OPCML: variants seen among roughly 807,000 people sequenced by gnomAD.
The protein encoded by OPCML is opioid binding protein/cell adhesion molecule like.
A neutral mutation model predicts 37.8 loss-of-function variants in OPCML; 13 were observed. That is an observed-to-expected ratio of 0.34 (90% CI 0.22 to 0.55). The LOEUF (loss-of-function observed/expected upper bound fraction) is 0.55. OPCML is among the 20% of genes least tolerant of loss of function. The pLI is 0.91. For missense variants in OPCML, 341 were observed against 435.6 expected (o/e 0.78, Z 1.93); for synonymous variants, 176 against 168.8 (o/e 1.04, Z -0.33).
intron 1 of OPCML, chr11:133,009,363 A>G (rs1408717989): frequency 2.9e-6 from 1 of 349,244 alleles, no homozygotes; most frequent in Non-Finnish European, 4.0e-6. Context: ...CAAATATAAC[A>G]ACAAGTTAAT....
chr11:133,473,865 C>G (rs1162553075), intron 1 of OPCML, among the ~76,000 whole-genome samples: 4 of 152,180 alleles, frequency 2.6e-5, no homozygotes, highest in Non-Finnish European at 4.4e-5. Context: ...ATGTTGTACA[C>G]ACTTACAAAG....
chr11:132,795,222 C>A (rs895764813), intron 2 of OPCML, among the ~76,000 whole-genome samples: 2 of 152,110 alleles, frequency 1.3e-5, no homozygotes, highest in African/African-American at 4.8e-5. Flanking sequence ...TTTTTCTTAT[C>A]TTTTAAATAT....
intron 1 of OPCML, among the ~76,000 whole-genome samples, chr11:133,278,101 C>CT (rs1296666850): frequency 3.3e-5 from 5 of 152,172 alleles, no homozygotes; most frequent in Non-Finnish European, 7.3e-5. Context: ...TCCGTTGTCC[C>CT]ACTGTAGCGT....
At chr11:132,916,918 G>T (rs1944625990) in intron 2 of OPCML, among the ~76,000 whole-genome samples, 1 of 152,130 alleles carries the variant, frequency 6.6e-6, no homozygotes, top group East Asian at 1.9e-4. Context: ...CTTTCACTAA[G>T]GCAGCATGAG....
At chr11:132,856,351 G>C (rs1411868154) in intron 2 of OPCML, among the ~76,000 whole-genome samples, 1 of 152,204 alleles carries the variant, frequency 6.6e-6, no homozygotes, top group Non-Finnish European at 1.5e-5. Context: ...TTGAGAAACA[G>C]TCACACTGTT....
At chr11:132,840,603 C>T (rs1405272913) in intron 2 of OPCML, among the ~76,000 whole-genome samples, 1 of 152,204 alleles carries the variant, frequency 6.6e-6, no homozygotes, top group African/African-American at 2.4e-5. Context: ...CCCTAAACCT[C>T]ATTTCCCTAA....
intron 2 of OPCML, among the ~76,000 whole-genome samples, chr11:132,787,693 T>G (rs1317679199): frequency 6.6e-6 from 1 of 152,190 alleles, no homozygotes; most frequent in Non-Finnish European, 1.5e-5. Context: ...TATGTTTGAC[T>G]TCTAAATGTT....
chr11:133,430,993 T>C (rs1946104138), intron 1 of OPCML, among the ~76,000 whole-genome samples: 1 of 152,210 alleles, frequency 6.6e-6, no homozygotes, highest in Non-Finnish European at 1.5e-5. Flanking sequence ...AACGTTAGTT[T>C]CACTTCTAAA....
chr11:132,881,629 T>TAAC, intron 2 of OPCML, among the ~76,000 whole-genome samples: 1 of 151,428 alleles, frequency 6.6e-6, no homozygotes, highest in African/African-American at 2.4e-5. Context: ...AAAATAATAA[T>TAAC]AATAAAAAAG....
At chr11:133,371,433 T>A (rs1399725825) in intron 1 of OPCML, among the ~76,000 whole-genome samples, 12 of 152,308 alleles carry the variant, frequency 7.9e-5, no homozygotes, top group South Asian at 2.1e-4. Flanking sequence ...CACTCAAATC[T>A]CATCTTGAAT....
intron 1 of OPCML, chr11:133,007,367 C>T: frequency 2.0e-6 from 2 of 985,458 alleles, no homozygotes; most frequent in Non-Finnish European, 2.4e-6. Context: ...GTGATTAGCT[C>T]AGCCACAGAG....
intron 7 of OPCML, among the ~76,000 whole-genome samples, chr11:132,428,727 C>A (rs187554202): frequency 9.4e-4 from 143 of 152,304 alleles, no homozygotes; most frequent in Admixed American, 2.9e-3. Flanking sequence ...ATCCCTCCTA[C>A]CTGGGGGAAT....
In OPCML at chr11:132,558,622, C is replaced by A. The variant is rs78097248; in HGVS notation, c.380-29436G>T. Reference sequence around the variant, plus strand: ...TGGAATACAAGTTCATCTATATGAACCATCCTGTTTGAGTTTTGTATTCTC... The same window carrying A: ...TGGAATACAAGTTCATCTATATGAAACATCCTGTTTGAGTTTTGTATTCTC... On this transcript the variant is annotated intron_variant, in intron 3 of 7. Coordinates refer to ENST00000524381, the MANE Select transcript of OPCML (RefSeq NM_001012393.5). Among the ~76,000 whole-genome samples, 1,745 of 149,344 alleles carry A rather than the reference C, an allele frequency of 0.012. 127 individuals are homozygous for A. In the East Asian group the frequency reaches 0.21, roughly 18 times the overall value.
Position 133,072,247 on chromosome 11 carries a change from C to T in OPCML, c.62-129237G>A, listed in dbSNP as rs893032039. On this transcript the variant is annotated intron_variant, in intron 1 of 7. Coordinates refer to ENST00000524381, the MANE Select transcript of OPCML (RefSeq NM_001012393.5). ...CTAAAAACTACTAAATTGCATGTTT[C>T]AAAATGATGAATTTTATGGCATGTG... 8.5e-5 allele frequency among the ~76,000 whole-genome samples: 13 copies of T among 152,132 alleles called. No individual in the cohort carries two copies. The East Asian group carries it at 1.4e-3, about 16-fold the overall frequency.
chr11:132,843,092 C>CTTTT (rs56036372), intron 2 of OPCML, among the ~76,000 whole-genome samples: 1,809 of 123,290 alleles, frequency 0.015, 41 homozygotes, highest in African/African-American at 0.043. Flanking sequence ...CTTTTTCTTT[C>CTTTT]TTTTTTTTTT....
chr11:132,939,588 C>T (rs1407970054), intron 2 of OPCML, among the ~76,000 whole-genome samples: 1 of 152,188 alleles, frequency 6.6e-6, no homozygotes, highest in Non-Finnish European at 1.5e-5. Context: ...TCACCGCAGC[C>T]CCTCAAAATG....
At chr11:133,523,055 T>G (rs1406708059) in intron 1 of OPCML, among the ~76,000 whole-genome samples, 2 of 152,098 alleles carry the variant, frequency 1.3e-5, no homozygotes, top group Non-Finnish European at 2.9e-5. Context: ...AATGCCTGAT[T>G]TCTTCCAGGA....
chr11:133,192,305 T>G lies in OPCML; in HGVS notation c.62-249295A>C, dbSNP rs1436088038. Among the ~76,000 whole-genome samples, 3 of 152,230 alleles carry G rather than the reference T, an allele frequency of 2.0e-5. No homozygotes were observed. In the East Asian group the frequency reaches 5.8e-4, roughly 29 times the overall value. ...GACAGGGAGGAAGCTCATCTGCAGA[T>G]TGATAGCCCTATCTACAAATGGGTC... On this transcript the variant is annotated intron_variant, in intron 1 of 7. Transcript: ENST00000524381.
At chr11:132,650,493 T>A (rs762444095) in intron 3 of OPCML, among the ~76,000 whole-genome samples, 2 of 152,114 alleles carry the variant, frequency 1.3e-5, no homozygotes, top group Non-Finnish European at 2.9e-5. Flanking sequence ...TTAACCTAAT[T>A]TTGGCTGTGT....
Sources: gnomAD v4.1 joint callset for allele counts (sites outside exome capture counted in the v4.1 genomes callset) on GRCh38, gnomAD v4.1.1 for gene constraint, MANE v1.5 for transcripts, NCBI Gene and HGNC (gene_info 2026-07-23, HGNC 2026-07-21) for gene names.